POFUT3: variants seen among roughly 807,000 people sequenced by gnomAD.
The protein encoded by POFUT3 is protein O-fucosyltransferase 3.
At chr8:33,339,278 C>G in the POFUT3 span, among the ~76,000 whole-genome samples, 1 of 152,120 alleles carries the variant, frequency 6.6e-6, no homozygotes, top group Non-Finnish European at 1.5e-5. Context: ...CTAAAACATA[C>G]AACCGTGAGT....
chr8:33,395,217 A>G, the POFUT3 span, among the ~76,000 whole-genome samples: 3 of 152,086 alleles, frequency 2.0e-5, no homozygotes, highest in Non-Finnish European at 4.4e-5. Flanking sequence ...CCTAAATGAG[A>G]AATTTACATC....
the POFUT3 span, among the ~76,000 whole-genome samples, chr8:33,348,645 CT>C: frequency 1.3e-5 from 2 of 152,088 alleles, no homozygotes; most frequent in Non-Finnish European, 2.9e-5. Context: ...TTAGGGCAGG[CT>C]TTACTGAGAA....
At chr8:33,346,898 C>T in the POFUT3 span, among the ~76,000 whole-genome samples, 4 of 152,096 alleles carry the variant, frequency 2.6e-5, no homozygotes, top group African/African-American at 9.7e-5. Flanking sequence ...AAAGAATCAT[C>T]ATGAGGTAGA....
the POFUT3 span, chr8:33,436,302 T>A: frequency 7.4e-7 from 1 of 1,343,076 alleles, no homozygotes. Context: ...CTCTGTGTTA[T>A]CAAGGCCCTT....
chr8:33,365,030 C>CA, the POFUT3 span, among the ~76,000 whole-genome samples: 1 of 152,002 alleles, frequency 6.6e-6, no homozygotes, highest in Admixed American at 6.6e-5. Context: ...CTATAGTAAC[C>CA]AAACAGCATG....
the POFUT3 span, among the ~76,000 whole-genome samples, chr8:33,321,559 A>G: frequency 1.1e-4 from 17 of 152,054 alleles, no homozygotes; most frequent in Non-Finnish European, 1.9e-4. Context: ...GCTTCCCCCA[A>G]AGATGCTCTC....
chr8:33,461,882 G>A, the POFUT3 span, among the ~76,000 whole-genome samples: 24 of 151,828 alleles, frequency 1.6e-4, no homozygotes, highest in Non-Finnish European at 3.5e-4. Flanking sequence ...AATCAAGGCT[G>A]GGCGTGATGG....
At chr8:33,429,419 TCTG>T in the POFUT3 span, among the ~76,000 whole-genome samples, 3 of 152,222 alleles carry the variant, frequency 2.0e-5, no homozygotes, top group Non-Finnish European at 4.4e-5. Context: ...AGAAGTTGTT[TCTG>T]TCAAACTGAG....
chr8:33,398,818 G>A, the POFUT3 span, among the ~76,000 whole-genome samples: 1 of 152,138 alleles, frequency 6.6e-6, no homozygotes, highest in Admixed American at 6.6e-5. Flanking sequence ...TTCTTCTCTT[G>A]TAAATTGAGT....
chr8:33,441,714 A>T, the POFUT3 span, among the ~76,000 whole-genome samples: 1 of 152,066 alleles, frequency 6.6e-6, no homozygotes, highest in Non-Finnish European at 1.5e-5. Context: ...GAAAAACACA[A>T]TTAAAGCTAC....
chr8:33,309,167 AATAT>A, the POFUT3 span, among the ~76,000 whole-genome samples: 2,688 of 53,506 alleles, frequency 0.05, 151 homozygotes, highest in Middle Eastern at 0.078. Flanking sequence ...AAAAAAAAAA[AATAT>A]ATATATATAT....
At chr8:33,466,563 T>C in the POFUT3 span, among the ~76,000 whole-genome samples, 1 of 152,000 alleles carries the variant, frequency 6.6e-6, no homozygotes, top group Admixed American at 6.6e-5. Context: ...GGGTAGATAG[T>C]AGTATTGTGA....
the POFUT3 span, among the ~76,000 whole-genome samples, chr8:33,346,115 G>A: frequency 4.0e-5 from 6 of 149,458 alleles, no homozygotes; most frequent in East Asian, 2.0e-4. Flanking sequence ...GTGAGCCACC[G>A]TGCCTGGCCC....
chr8:33,427,344 G>A, the POFUT3 span, among the ~76,000 whole-genome samples: 3 of 152,080 alleles, frequency 2.0e-5, no homozygotes, highest in East Asian at 1.9e-4. Context: ...TTGGGAGGCC[G>A]AGGCGGGCAG....
chr8:33,440,068 A>G, the POFUT3 span, among the ~76,000 whole-genome samples: 1 of 151,788 alleles, frequency 6.6e-6, no homozygotes, highest in African/African-American at 2.4e-5. Flanking sequence ...CACTCTGTCT[A>G]AAGTCAAAAT....
chr8:33,375,438 C>T, the POFUT3 span, among the ~76,000 whole-genome samples: 1 of 152,258 alleles, frequency 6.6e-6, no homozygotes, highest in East Asian at 1.9e-4. Flanking sequence ...GGGTCAGAGG[C>T]TCCGGGAGAG....
chr8:33,447,561 C>T, the POFUT3 span, among the ~76,000 whole-genome samples: 1 of 152,154 alleles, frequency 6.6e-6, no homozygotes, highest in African/African-American at 2.4e-5. Context: ...TAAATCCTTG[C>T]ATTTCTCAAA....
chr8:33,373,071 C>A, the POFUT3 span, among the ~76,000 whole-genome samples: 1 of 152,154 alleles, frequency 6.6e-6, no homozygotes, highest in Non-Finnish European at 1.5e-5. Context: ...ATATAGTTCT[C>A]TTTAGATTCT....
At chr8:33,456,821 T>G in the POFUT3 span, among the ~76,000 whole-genome samples, 13 of 147,774 alleles carry the variant, frequency 8.8e-5, no homozygotes, top group African/African-American at 2.7e-4. Context: ...CAGGCTGGAG[T>G]GCAGTGGTAC....
Sources: allele counts gnomAD v4.1 joint callset (sites outside exome capture counted in the v4.1 genomes callset), GRCh38; gene constraint gnomAD v4.1.1; transcripts MANE v1.5; gene names NCBI Gene and HGNC (gene_info 2026-07-23, HGNC 2026-07-21).